Variants in ST18 observed in about 807,000 individuals in gnomAD.
ST18 encodes ST18 C2H2C-type zinc finger transcription factor.
A neutral mutation model predicts 110.0 loss-of-function variants in ST18; 50 were observed. The ratio of observed to expected loss-of-function variants is 0.45; its 90% CI spans 0.36 to 0.58. ST18 has a LOEUF of 0.58. Among genes scored for constraint, ST18 ranks in the 20% least tolerant of loss-of-function variants. ST18 has a pLI of 0.00. For missense variants in ST18, 1,306 were observed against 1,280.1 expected (o/e 1.02, Z -0.31); for synonymous variants, 461 against 452.4 (o/e 1.02, Z -0.24).
At chr8:52,270,911 GTT>G (rs562488412) in intron 2 of ST18, among the ~76,000 whole-genome samples, 1 of 144,712 alleles carries the variant, frequency 6.9e-6, no homozygotes. Flanking sequence ...TATAAGTTTT[GTT>G]TTTTTTTTTG....
rs1348389617 is a variant in ST18, at chr8:52,157,135, A to AT, written c.1806+1762dup. The stretch of plus-strand genomic sequence containing the variant: ...CTGTTTGATTTTTTGAAACGTGTCC[A>AT]TTTAACAATTGCTTTTCTAACCAAA... On this transcript the variant is annotated intron_variant, in intron 15 of 25. Coordinates refer to ENST00000689386, the MANE Select transcript of ST18 (RefSeq NM_001352837.2). Among the ~76,000 whole-genome samples the AT allele has an allele frequency of 2.0e-5, 3 of 152,230 alleles. No individual in the cohort carries two copies. In the East Asian group the frequency reaches 5.8e-4, roughly 29 times the overall value.
Position 52,180,561 on chromosome 8 carries a change from G to C in ST18, c.87-249C>G, listed in dbSNP as rs1185138677. On this transcript the variant is annotated intron_variant, in intron 8 of 25. Coordinates refer to ENST00000689386, the MANE Select transcript of ST18 (RefSeq NM_001352837.2). ...ATCCTGAGTAAGCATATGTTAATCT[G>C]TGCTTTGCTTGGCACTACACTAAAT... Among the ~76,000 whole-genome samples the C allele has an allele frequency of 2.0e-5, 3 of 151,464 alleles. No homozygotes were observed. The East Asian group carries it at 5.8e-4, about 29-fold the overall frequency.
chr8:52,387,956 A>G (rs993357162), intron 2 of ST18, among the ~76,000 whole-genome samples: 12 of 89,464 alleles, frequency 1.3e-4, no homozygotes, highest in East Asian at 1.3e-3. Flanking sequence ...CACCCTCCCC[A>G]CCCCCCCGCC....
chr8:52,118,108 G>A (rs866049168), intron 24 of ST18, among the ~76,000 whole-genome samples: 12 of 152,042 alleles, frequency 7.9e-5, no homozygotes, highest in African/African-American at 2.9e-4. Context: ...TAAAAACTTC[G>A]ATGCCACCAG....
At chr8:52,158,572 T>C (rs914022528) in intron 15 of ST18, among the ~76,000 whole-genome samples, 4 of 152,202 alleles carry the variant, frequency 2.6e-5, no homozygotes, top group African/African-American at 9.6e-5. Flanking sequence ...AATCCTCTTT[T>C]CTTGTGTGCC....
intron 2 of ST18, among the ~76,000 whole-genome samples, chr8:52,292,205 A>G (rs540612376): frequency 7.9e-5 from 12 of 152,352 alleles, no homozygotes; most frequent in Non-Finnish European, 7.3e-5. Flanking sequence ...AAAAACATTT[A>G]TTTCTGCACA....
intron 2 of ST18, among the ~76,000 whole-genome samples, chr8:52,348,801 A>G (rs147833326): frequency 1.3e-5 from 2 of 152,230 alleles, no homozygotes; most frequent in African/African-American, 2.4e-5. Flanking sequence ...GTATATATAC[A>G]TTGTGAAATG....
rs2058331334 is a variant in ST18 at position 52,149,809 on chromosome 8, C to T, written c.1975G>A (p.Ala659Thr). 1.2e-6 allele frequency: 2 copies of T among 1,614,116 alleles called. No individual in the cohort carries two copies. The highest frequency in any genetic ancestry group is 2.2e-5 in the East Asian group (1 of 44,880). Reference sequence around the variant, plus strand: ...TCCCAGCCCTCTTGGTCACAAAGAGCCTGATAGAATGCTGCATTGACCAGA... The same window carrying T: ...TCCCAGCCCTCTTGGTCACAAAGAGTCTGATAGAATGCTGCATTGACCAGA... ...SILVNAAFYQ[A>T]LCDQEGWDTP... The change falls in exon 16 of 26, where the codon GCT (alanine) becomes ACT (threonine). Residue 659 changes from alanine to threonine, a missense_variant. Ala to Thr is a moderately conservative substitution (Grantham distance 58). Transcript: ENST00000689386.
chr8:52,363,741 T>A (rs1418852456), intron 2 of ST18, among the ~76,000 whole-genome samples: 1 of 152,074 alleles, frequency 6.6e-6, no homozygotes, highest in Non-Finnish European at 1.5e-5. Flanking sequence ...TTCAAGTGGT[T>A]TTTTTTTCCT....
At chr8:52,163,446 A>G (rs568634295) in intron 13 of ST18, among the ~76,000 whole-genome samples, 3 of 152,286 alleles carry the variant, frequency 2.0e-5, no homozygotes, top group South Asian at 4.1e-4. Context: ...AAATCTTCCA[A>G]ATTTCTAGAT....
At chr8:52,138,165 G>A (rs960689508) in intron 17 of ST18, among the ~76,000 whole-genome samples, 22 of 151,754 alleles carry the variant, frequency 1.4e-4, no homozygotes, top group Admixed American at 1.2e-3. Context: ...AGAAACCCAT[G>A]CTTTACTATG....
intron 2 of ST18, among the ~76,000 whole-genome samples, chr8:52,244,564 A>G (rs1308468624): frequency 1.3e-5 from 2 of 152,184 alleles, no homozygotes; most frequent in Non-Finnish European, 2.9e-5. Context: ...AAAAAAAGAA[A>G]ACAGAAAATA....
intron 9 of ST18, among the ~76,000 whole-genome samples, chr8:52,173,742 G>A (rs1330145079): frequency 6.6e-6 from 1 of 152,202 alleles, no homozygotes; most frequent in Non-Finnish European, 1.5e-5. Context: ...GGGATGGGAA[G>A]CACCCAGTAA....
intron 2 of ST18, among the ~76,000 whole-genome samples, chr8:52,408,433 C>G (rs910879531): frequency 2.0e-5 from 3 of 152,238 alleles, no homozygotes; most frequent in Non-Finnish European, 4.4e-5. Context: ...TGCTCTCCCC[C>G]AGTTACAAGT....
intron 2 of ST18, among the ~76,000 whole-genome samples, chr8:52,333,967 C>G (rs1810849783): frequency 6.6e-6 from 1 of 152,208 alleles, no homozygotes; most frequent in Non-Finnish European, 1.5e-5. Context: ...TGGGTCAGCC[C>G]TATCCCAGGA....
chr8:52,261,738 G>A (rs2094699327), intron 2 of ST18, among the ~76,000 whole-genome samples: 1 of 152,036 alleles, frequency 6.6e-6, no homozygotes, highest in African/African-American at 2.4e-5. Context: ...TATTTCCAAG[G>A]CTTTGTCCCA....
chr8:52,346,918 A>G lies in ST18; in HGVS notation c.-465+62410T>C, dbSNP rs546108425. On this transcript the variant is annotated intron_variant, in intron 2 of 25. Transcript: ENST00000689386. Reference sequence around the variant, plus strand: ...AAACGGCTGGAGTAGGGGAAAGCAAAGAGAAATTCTGTAAAATCCAAAAAA... The same window carrying G: ...AAACGGCTGGAGTAGGGGAAAGCAAGGAGAAATTCTGTAAAATCCAAAAAA... Among the ~76,000 whole-genome samples, 150 of 152,346 alleles carry G rather than the reference A, an allele frequency of 9.8e-4. 4 individuals are homozygous for G. Among genetic ancestry groups the G allele is most frequent in the Admixed American group, 4.8e-3 (74 of 15,306 alleles).
At chr8:52,165,548 G>C (rs528584381) in intron 11 of ST18, among the ~76,000 whole-genome samples, 12 of 152,186 alleles carry the variant, frequency 7.9e-5, no homozygotes, top group Admixed American at 5.2e-4. Context: ...GGGATGGATG[G>C]AGCATGCCGT....
At chr8:52,342,909 T>C (rs564511499) in intron 2 of ST18, among the ~76,000 whole-genome samples, 14 of 152,208 alleles carry the variant, frequency 9.2e-5, no homozygotes, top group Non-Finnish European at 1.9e-4. Context: ...GTAAGTGTCA[T>C]ACAAAAGTGA....
Sources: allele counts gnomAD v4.1 joint callset (sites outside exome capture counted in the v4.1 genomes callset), GRCh38; gene constraint gnomAD v4.1.1; transcripts MANE v1.5; gene names NCBI Gene and HGNC (gene_info 2026-07-23, HGNC 2026-07-21).